RGS7: variants seen among roughly 807,000 people sequenced by gnomAD.
RGS7 encodes regulator of G protein signaling 7, also known as regulator of G-protein signaling 7.
RGS7 carries 27 observed loss-of-function variants against 81.1 expected under a neutral mutation model. That is an observed-to-expected ratio of 0.33 (90% confidence interval 0.25 to 0.46). RGS7 has a LOEUF of 0.46. Among genes scored for constraint, RGS7 ranks in the 20% least tolerant of loss-of-function variants. RGS7 has a pLI of 1.00. For missense variants in RGS7, 396 were observed against 607.4 expected, an observed-to-expected ratio of 0.65 and a Z score of 3.66; for synonymous variants, 208 against 207.7, an observed-to-expected ratio of 1.00 and a Z score of -0.01.
At chr1:240,864,955 A>G (rs1487065652) in intron 9 of RGS7, among the ~76,000 whole-genome samples, 1 of 145,618 alleles carries the variant, frequency 6.9e-6, no homozygotes, top group South Asian at 2.2e-4. Context: ...TCCATATTCC[A>G]TTTTTTTTTT....
At chr1:240,866,163 C>T (rs1663191493) in intron 9 of RGS7, among the ~76,000 whole-genome samples, 1 of 152,184 alleles carries the variant, frequency 6.6e-6, no homozygotes, top group African/African-American at 2.4e-5. Context: ...TGGTTTTAGG[C>T]GAACGCCATT....
chr1:240,804,792 T>G (rs764028085), intron 15 of RGS7, among the ~76,000 whole-genome samples: 3 of 152,166 alleles, frequency 2.0e-5, no homozygotes, highest in Admixed American at 2.0e-4. Context: ...TATTTCTACA[T>G]TGGAGACCAT....
chr1:241,201,590 T>C (rs764714935), intron 2 of RGS7, among the ~76,000 whole-genome samples: 8 of 152,154 alleles, frequency 5.3e-5, no homozygotes, highest in Non-Finnish European at 1.0e-4. Context: ...CAGAATAAAT[T>C]AGCCCTTCAT....
At chr1:240,849,350 C>T (rs1469900603) in intron 9 of RGS7, among the ~76,000 whole-genome samples, 1 of 152,172 alleles carries the variant, frequency 6.6e-6, no homozygotes, top group Non-Finnish European at 1.5e-5. Context: ...GGAAGGAATC[C>T]TGAGCTGCAA....
chr1:241,287,721 TCA>T (rs1174579148), intron 2 of RGS7, among the ~76,000 whole-genome samples: 1 of 148,494 alleles, frequency 6.7e-6, no homozygotes, highest in East Asian at 2.0e-4. Flanking sequence ...GATACCTACT[TCA>T]CACACACACA....
chr1:241,290,942 G>C (rs1355972494), intron 2 of RGS7, among the ~76,000 whole-genome samples: 1 of 152,176 alleles, frequency 6.6e-6, no homozygotes, highest in Non-Finnish European at 1.5e-5. Flanking sequence ...TACAATGGCA[G>C]CATAAAATGG....
At chr1:241,057,449 C>A (rs2061528559) in intron 3 of RGS7, among the ~76,000 whole-genome samples, 1 of 152,156 alleles carries the variant, frequency 6.6e-6, no homozygotes, top group Non-Finnish European at 1.5e-5. Flanking sequence ...AAAAAACTTA[C>A]AAAGTCGGTA....
At chr1:241,147,789 T>TAC (rs2068439555) in intron 2 of RGS7, among the ~76,000 whole-genome samples, 1 of 110,052 alleles carries the variant, frequency 9.1e-6, no homozygotes, top group Non-Finnish European at 1.8e-5. Context: ...TTTATATATA[T>TAC]ATATATATAT....
chr1:241,112,290 C>G (rs1376692442), intron 2 of RGS7, among the ~76,000 whole-genome samples: 2 of 152,050 alleles, frequency 1.3e-5, no homozygotes, highest in African/African-American at 4.8e-5. Context: ...CCAGAGATGT[C>G]TCTGGGATGG....
At chr1:240,795,469 A>T (rs1013672228) in intron 18 of RGS7, among the ~76,000 whole-genome samples, 1 of 152,246 alleles carries the variant, frequency 6.6e-6, no homozygotes, top group African/African-American at 2.4e-5. Context: ...ATGCTCTTGC[A>T]TGAAGGAAAA....
intron 2 of RGS7, among the ~76,000 whole-genome samples, chr1:241,342,089 G>T (rs748161504): frequency 2.4e-4 from 37 of 151,800 alleles, no homozygotes; most frequent in Non-Finnish European, 4.9e-4. Flanking sequence ...GGCCAGGCTG[G>T]TCTCAAACTC....
chr1:240,892,214 G>A (rs534444986), intron 6 of RGS7, among the ~76,000 whole-genome samples: 2 of 152,210 alleles, frequency 1.3e-5, no homozygotes, highest in South Asian at 4.1e-4. Context: ...ATTCTCTTCT[G>A]AGGCCCCTAG....
chr1:240,992,532 C>T (rs1686604144), intron 3 of RGS7, among the ~76,000 whole-genome samples: 1 of 151,858 alleles, frequency 6.6e-6, no homozygotes, highest in Non-Finnish European at 1.5e-5. Flanking sequence ...AAAACAAAAA[C>T]AGAACTACAG....
intron 3 of RGS7, among the ~76,000 whole-genome samples, chr1:241,088,021 CACACACATATATATAT>C (rs1329864854): frequency 2.2e-5 from 2 of 91,162 alleles, no homozygotes; most frequent in African/African-American, 7.1e-5. Flanking sequence ...TATATATACA[CACACACATATATATAT>C]ACACACATAT....
chr1:240,831,030 A>G (rs1020987198), intron 9 of RGS7, among the ~76,000 whole-genome samples: 2 of 152,234 alleles, frequency 1.3e-5, no homozygotes, highest in African/African-American at 2.4e-5. Flanking sequence ...ATAAGAAAGC[A>G]TTGATTTTAA....
intron 4 of RGS7, among the ~76,000 whole-genome samples, chr1:240,954,022 C>T (rs1471813043): frequency 6.6e-6 from 1 of 152,002 alleles, no homozygotes; most frequent in East Asian, 1.9e-4. Context: ...CAAATTACTT[C>T]AAAGACACAA....
intron 9 of RGS7, among the ~76,000 whole-genome samples, chr1:240,854,821 C>T (rs1305273815): frequency 6.6e-6 from 1 of 152,198 alleles, no homozygotes; most frequent in Non-Finnish European, 1.5e-5. Flanking sequence ...CCCCGGCCTA[C>T]ACGGGTTGTT....
intron 9 of RGS7, among the ~76,000 whole-genome samples, chr1:240,850,899 C>G (rs1177060035): frequency 1.3e-5 from 2 of 151,914 alleles, no homozygotes; most frequent in Admixed American, 6.6e-5. Flanking sequence ...TCTATGAAGA[C>G]TGAAAGAAAT....
intron 4 of RGS7, among the ~76,000 whole-genome samples, chr1:240,969,969 C>T (rs1274387162): frequency 6.6e-6 from 1 of 152,196 alleles, no homozygotes; most frequent in Non-Finnish European, 1.5e-5. Flanking sequence ...AATATTTCTT[C>T]AAATTTTCTT....
Sources: allele counts gnomAD v4.1 joint callset (sites outside exome capture counted in the v4.1 genomes callset), GRCh38; gene constraint gnomAD v4.1.1; transcripts MANE v1.5; gene names NCBI Gene and HGNC (gene_info 2026-07-23, HGNC 2026-07-21).